Variants in SIPA1L3 observed in about 807,000 individuals in gnomAD.
SIPA1L3 encodes the protein signal-induced proliferation-associated 1-like protein 3.
Under a neutral mutation model 150.1 loss-of-function variants are expected in SIPA1L3, and 59 were observed. The ratio of observed to expected loss-of-function variants is 0.39; its 90% confidence interval spans 0.32 to 0.49. The LOEUF (loss-of-function observed/expected upper bound fraction) is 0.49, where lower values mean the gene tolerates loss of function less well. Among genes scored for constraint, SIPA1L3 ranks in the 20% least tolerant of loss-of-function variants. SIPA1L3 has a pLI of 0.86. For missense variants in SIPA1L3, 2,211 were observed against 2,489.5 expected, an observed-to-expected ratio of 0.89 and a Z score of 2.38; for synonymous variants, 1,070 against 1,077.6, an observed-to-expected ratio of 0.99 and a Z score of 0.14.
At chr19:37,949,534 G>A (rs1001149240) in intron 1 of SIPA1L3, among the ~76,000 whole-genome samples, 1 of 152,026 alleles carries the variant, frequency 6.6e-6, no homozygotes, top group Non-Finnish European at 1.5e-5. Context: ...GTGTGGTGGC[G>A]CACGCCTGTA....
intron 12 of SIPA1L3, among the ~76,000 whole-genome samples, chr19:38,151,252 G>C (rs1164090142): frequency 1.3e-5 from 2 of 152,194 alleles, no homozygotes; most frequent in East Asian, 3.8e-4. Flanking sequence ...ACGGTGCTGG[G>C]TAACAGACAC....
chr19:38,205,475 AATG>A (rs1452652687), intron 21 of SIPA1L3, among the ~76,000 whole-genome samples: 1 of 151,440 alleles, frequency 6.6e-6, no homozygotes, highest in Non-Finnish European at 1.5e-5. Flanking sequence ...AAAAAAAAAA[AATG>A]AGGAGGAGAC....
intron 10 of SIPA1L3, among the ~76,000 whole-genome samples, chr19:38,132,968 G>A (rs1971348236): frequency 6.6e-6 from 1 of 152,110 alleles, no homozygotes. Context: ...AGTTTATTTT[G>A]GAAAGAAACC....
chr19:38,083,253 G>T (rs1970049272), intron 3 of SIPA1L3, among the ~76,000 whole-genome samples, 154 bp downstream of exon 3: 1 of 152,022 alleles, frequency 6.6e-6, no homozygotes, highest in Admixed American at 6.5e-5. Flanking sequence ...GTGAGGATCC[G>T]GTGAGCAGAG....
chr19:38,129,510 T>C (rs967209026), intron 9 of SIPA1L3, among the ~76,000 whole-genome samples: 2 of 151,390 alleles, frequency 1.3e-5, no homozygotes, highest in Admixed American at 6.6e-5. Flanking sequence ...CTGTAATCCC[T>C]GCTACTGGGG....
chr19:37,942,433 A>G (rs1366310290), intron 1 of SIPA1L3, among the ~76,000 whole-genome samples: 4 of 150,626 alleles, frequency 2.7e-5, no homozygotes, highest in Non-Finnish European at 4.4e-5. Context: ...CTTGTGAAAG[A>G]TCAGGGAAGA....
Position 38,130,593 on chromosome 19 carries a change from C to A in SIPA1L3, c.2964C>A (p.Ala988=), listed in dbSNP as rs201730879. The A allele has an allele frequency of 1.2e-6, 2 of 1,613,634 alleles. No homozygotes were observed. Among genetic ancestry groups the A allele is most frequent in the East Asian group, 2.2e-5 (1 of 44,886 alleles). ...GFHVKYDGTV[A]EVEDYGFAWQ... ...ACGTGAAGTACGACGGCACGGTGGC[C>A]GAGGTTGAGGACTATGGGTTCGCCT... Residue 988 remains alanine (A), a synonymous_variant, in exon 10 of 22, where the codon GCC becomes GCA. Coordinates refer to ENST00000222345, the MANE Select transcript of SIPA1L3 (RefSeq NM_015073.3).
chr19:38,054,218 C>G (rs1356265477), intron 2 of SIPA1L3, among the ~76,000 whole-genome samples: 1 of 152,138 alleles, frequency 6.6e-6, no homozygotes, highest in African/African-American at 2.4e-5. Flanking sequence ...GTGGCACATG[C>G]CACAGGGAGG....
rs59452393 is a variant in SIPA1L3 at position 38,015,721 on chromosome 19, TAAA to T, written c.-378-13347_-378-13345del. 3.0e-3 allele frequency among the ~76,000 whole-genome samples: 305 copies of T among 102,158 alleles called. 1 individual carries two copies. The highest frequency in any genetic ancestry group is 9.8e-3 in the African/African-American group (258 of 26,334). 67.0% of individuals were successfully genotyped at this position (102,158 alleles called of 152,430 possible). ...CCTGGGTGACAGAGCAAGATCCTGTTAAAAAAAAAAAAAAAAAAAAAAAGAATG... is the reference window on the plus strand; with the variant it reads ...CCTGGGTGACAGAGCAAGATCCTGTTAAAAAAAAAAAAAAAAAAAAGAATG... On this transcript the variant is annotated intron_variant, in intron 1 of 21. Transcript: ENST00000222345.
rs1971479521 is a variant in SIPA1L3, at chr19:38,138,147, T to A, written c.3144-3037T>A. On this transcript the variant is annotated intron_variant, in intron 10 of 21. Coordinates refer to ENST00000222345, the MANE Select transcript of SIPA1L3 (RefSeq NM_015073.3). Reference sequence around the variant, plus strand: ...CTCTGTCTCAAATAAAAAAAAAAAATAATAAAGTAACTAAAGGAAAAGTCA... The same window carrying A: ...CTCTGTCTCAAATAAAAAAAAAAAAAAATAAAGTAACTAAAGGAAAAGTCA... Among the ~76,000 whole-genome samples the A allele has an allele frequency of 3.3e-5, 5 of 150,182 alleles. No individual in the cohort carries two copies. In the South Asian group the frequency reaches 8.5e-4, roughly 26 times the overall value.
intron 8 of SIPA1L3, among the ~76,000 whole-genome samples, chr19:38,112,385 G>A (rs923758892): frequency 6.6e-6 from 1 of 152,048 alleles, no homozygotes; most frequent in African/African-American, 2.4e-5. Context: ...TGAGCTGGTG[G>A]GGGGAGCTGC....
In SIPA1L3 at chr19:38,168,492, T is replaced by C. The variant is rs184739004; in HGVS notation, c.4208+3586T>C. ...AAAATAAAAAATAAAAATAAAACAC[T>C]GTGGAAAAAAAAACAAAAACCTGTG... On this transcript the variant is annotated intron_variant, in intron 15 of 21. Transcript: ENST00000222345. Among the ~76,000 whole-genome samples, 99 of 151,330 alleles carry C rather than the reference T, an allele frequency of 6.5e-4. 3 individuals carry two copies. In the East Asian group the frequency reaches 0.018, roughly 28 times the overall value.
intron 8 of SIPA1L3, 78 bp downstream of exon 8, chr19:38,110,462 G>A: frequency 7.9e-7 from 1 of 1,266,746 alleles, no homozygotes; most frequent in Non-Finnish European, 1.1e-6. Context: ...CCCAGTACAG[G>A]GCCCCCCCAC....
intron 15 of SIPA1L3, among the ~76,000 whole-genome samples, chr19:38,177,292 C>G (rs994567238): frequency 6.8e-6 from 1 of 147,686 alleles, no homozygotes; most frequent in East Asian, 2.0e-4. Context: ...ACCTGGGAAG[C>G]GGAGGTTGCA....
chr19:37,990,358 C>G (rs1415391875), intron 1 of SIPA1L3, among the ~76,000 whole-genome samples: 14 of 152,170 alleles, frequency 9.2e-5, no homozygotes, highest in Non-Finnish European at 4.4e-5. Flanking sequence ...TTTGGGGCCT[C>G]TTGCATGTTG....
intron 1 of SIPA1L3, among the ~76,000 whole-genome samples, chr19:38,023,940 C>T (rs1167901210): frequency 6.6e-6 from 1 of 152,130 alleles, no homozygotes; most frequent in Non-Finnish European, 1.5e-5. Context: ...TAATAATCTG[C>T]CCACTTGGAA....
At chr19:38,129,178 C>T (rs1971251959) in intron 9 of SIPA1L3, among the ~76,000 whole-genome samples, 1 of 152,146 alleles carries the variant, frequency 6.6e-6, no homozygotes, top group Non-Finnish European at 1.5e-5. Flanking sequence ...CTCTATTCAG[C>T]AGGTCCTCAG....
chr19:38,025,494 A>G (rs1167872432), intron 1 of SIPA1L3, among the ~76,000 whole-genome samples: 1 of 152,130 alleles, frequency 6.6e-6, no homozygotes, highest in Non-Finnish European at 1.5e-5. Context: ...TGCATGAGGG[A>G]CTGCAGGGCG....
chr19:38,084,751 T>A (rs1205660284), intron 3 of SIPA1L3, among the ~76,000 whole-genome samples: 2 of 150,872 alleles, frequency 1.3e-5, no homozygotes, highest in African/African-American at 4.9e-5. Context: ...GCGATTCTCC[T>A]GCCTCAGCCT....
Sources: gnomAD v4.1 joint callset for allele counts (sites outside exome capture counted in the v4.1 genomes callset) on GRCh38, gnomAD v4.1.1 for gene constraint, MANE v1.5 for transcripts, NCBI Gene and HGNC (gene_info 2026-07-23, HGNC 2026-07-21) for gene names.